DNAH9: variants seen among roughly 807,000 people sequenced by gnomAD.
DNAH9 encodes DNAH9 variant protein.
In DNAH9, 345 loss-of-function variants were observed where a neutral mutation model predicts 471.6. That is an observed-to-expected ratio of 0.73 (90% CI 0.67 to 0.80). The LOEUF is 0.80. Ranked by LOEUF, DNAH9 falls within the 30% of genes least tolerant of loss-of-function variation. DNAH9 has a pLI of 0.00. For synonymous variants in DNAH9, 2,093 were observed against 2,123.6 expected (o/e 0.99, Z 0.40); for missense variants, 5,407 against 5,609.2 (o/e 0.96, Z 1.15).
chr17:11,711,803 T>C (rs1426132215), intron 26 of DNAH9, among the ~76,000 whole-genome samples: 1 of 144,664 alleles, frequency 6.9e-6, no homozygotes, highest in Non-Finnish European at 1.5e-5. Flanking sequence ...TTTTGGTTAT[T>C]TCTGAATGTG....
intron 35 of DNAH9, among the ~76,000 whole-genome samples, chr17:11,759,949 G>T (rs1967594429): frequency 6.6e-6 from 1 of 152,090 alleles, no homozygotes; most frequent in South Asian, 2.1e-4. Flanking sequence ...GCCTCCCAAA[G>T]TGCTGGGATT....
chr17:11,876,022 C>G (rs747624643), intron 53 of DNAH9, among the ~76,000 whole-genome samples: 1 of 151,982 alleles, frequency 6.6e-6, no homozygotes, highest in Non-Finnish European at 1.5e-5. Flanking sequence ...GGTTAGTAAT[C>G]AACTGGTTAA....
chr17:11,938,458 A>G (rs1444680322), intron 66 of DNAH9, among the ~76,000 whole-genome samples: 3 of 35,126 alleles, frequency 8.5e-5, no homozygotes, highest in Admixed American at 3.0e-4. Context: ...ACTGTCTCCA[A>G]AAAAAAAAAA....
chr17:11,660,917 T>C (rs1259724536), intron 14 of DNAH9, among the ~76,000 whole-genome samples: 4 of 152,170 alleles, frequency 2.6e-5, no homozygotes, highest in Non-Finnish European at 4.4e-5. Context: ...TTGATAGCAT[T>C]GTTGTGATCT....
chr17:11,754,250 C>T (rs1967282845), intron 33 of DNAH9, among the ~76,000 whole-genome samples: 2 of 152,086 alleles, frequency 1.3e-5, no homozygotes. Context: ...AGGTTGGTTC[C>T]ATGTCTTTGC....
chr17:11,632,275 T>A (rs998439976), intron 7 of DNAH9, among the ~76,000 whole-genome samples: 1 of 152,200 alleles, frequency 6.6e-6, no homozygotes, highest in Non-Finnish European at 1.5e-5. Context: ...TTCAGGGTTA[T>A]GTGAGCTGGT....
At chr17:11,895,049 AG>A (rs1270061736) in intron 59 of DNAH9, among the ~76,000 whole-genome samples, 1 of 152,228 alleles carries the variant, frequency 6.6e-6, no homozygotes, top group African/African-American at 2.4e-5. Flanking sequence ...CATTTAACAT[AG>A]GAGGAAACAG....
intron 8 of DNAH9, among the ~76,000 whole-genome samples, chr17:11,633,046 C>T (rs986520407): frequency 1.3e-5 from 2 of 152,150 alleles, no homozygotes; most frequent in Non-Finnish European, 2.9e-5. Context: ...TTGATTCAAT[C>T]TGGAGCAAAC....
intron 10 of DNAH9, among the ~76,000 whole-genome samples, chr17:11,643,522 TG>T (rs2073318828): frequency 6.6e-6 from 1 of 152,234 alleles, no homozygotes; most frequent in African/African-American, 2.4e-5. Context: ...TACTTCACAA[TG>T]GGGTTATGTT....
At chr17:11,898,606 T>C (rs1026109130) in intron 59 of DNAH9, among the ~76,000 whole-genome samples, 1 of 152,222 alleles carries the variant, frequency 6.6e-6, no homozygotes, top group Non-Finnish European at 1.5e-5. Flanking sequence ...TTATGATGAC[T>C]AATCACCCAG....
In DNAH9 at chr17:11,961,248, G is replaced by A. The variant is rs572215512; in HGVS notation, c.12844-619G>A. On this transcript the variant is annotated intron_variant, in intron 67 of 68. Coordinates refer to ENST00000262442, the MANE Select transcript of DNAH9 (RefSeq NM_001372.4). ...AAGAATCACTTGAACCTGGGAGGCG[G>A]AGGTTGCAGTGAGCAGAGATTGCAC... 2.6e-5 allele frequency among the ~76,000 whole-genome samples: 4 copies of A among 152,250 alleles called. No homozygotes were observed. The South Asian group carries it at 8.3e-4, about 32-fold the overall frequency.
intron 50 of DNAH9, among the ~76,000 whole-genome samples, chr17:11,858,821 T>C (rs942666051): frequency 2.0e-4 from 31 of 152,150 alleles, no homozygotes; most frequent in African/African-American, 7.2e-4. Context: ...CAGTGCCTCA[T>C]GCCTGTAATC....
At position 11,598,504 on chromosome 17, in the gene DNAH9, G is replaced by C. The variant is rs943922044; in HGVS notation, c.6G>C (p.Arg2=). The change falls in exon 1 of 69, where the codon CGG becomes CGC. Residue 2 remains arginine, a synonymous_variant. Transcript: ENST00000262442. The part of the protein sequence containing the change: M[R]LAEERAALAA... ...GCAGCTGGAGGCCGCGCGCGATGCGGCTCGCGGAGGAGCGGGCCGCGCTCG... is the reference window on the plus strand; with the variant it reads ...GCAGCTGGAGGCCGCGCGCGATGCGCCTCGCGGAGGAGCGGGCCGCGCTCG... 7.3e-7 allele frequency: 1 copy of C among 1,376,096 alleles called. No homozygotes were observed. Among genetic ancestry groups the C allele is most frequent in the Non-Finnish European group, 9.3e-7 (1 of 1,075,590 alleles). 85.2% of individuals were successfully genotyped at this position (1,376,096 alleles called of 1,614,324 possible).
chr17:11,731,912 C>T (rs1026371820), intron 28 of DNAH9, among the ~76,000 whole-genome samples: 15 of 152,106 alleles, frequency 9.9e-5, no homozygotes, highest in African/African-American at 1.2e-4. Context: ...TGGGTATATA[C>T]CCAGTAATGG....
Position 11,756,660 on chromosome 17 carries a change from A to G in DNAH9, c.6831A>G (p.Ala2277=), listed in dbSNP as rs547959889. The part of the protein sequence containing the change: ...EISHLRTATP[A]TVSRAGILYI... ...GCCACCTGCGCACAGCCACTCCAGC[A>G]ACTGTCTCTAGAGCAGGTACGGCCC... The change falls in exon 34 of 69, where the codon GCA becomes GCG. Residue 2277 remains alanine, a synonymous_variant. Coordinates refer to ENST00000262442, the MANE Select transcript of DNAH9 (RefSeq NM_001372.4). 1.1e-5 allele frequency: 17 copies of G among 1,609,820 alleles called. No individual in the cohort carries two copies. The East Asian group carries it at 3.6e-4, about 34-fold the overall frequency.
chr17:11,885,465 T>C (rs993268299), intron 56 of DNAH9, among the ~76,000 whole-genome samples: 5 of 152,254 alleles, frequency 3.3e-5, no homozygotes, highest in Non-Finnish European at 7.3e-5. Flanking sequence ...TTTCACATAT[T>C]TTCCATCTCT....
At chr17:11,969,250 C>A in intron 68 of DNAH9, 50 bp from the exon 69 acceptor site, 1 of 1,542,724 alleles carries the variant, frequency 6.5e-7, no homozygotes, top group Non-Finnish European at 8.9e-7. Context: ...GGCTGGTTGG[C>A]TGGGCTCTGG....
chr17:11,872,567 C>G (rs1244469047), intron 52 of DNAH9, among the ~76,000 whole-genome samples: 1 of 152,188 alleles, frequency 6.6e-6, no homozygotes, highest in Admixed American at 6.5e-5. Context: ...ACAAAACGTT[C>G]AAGACCGGGA....
chr17:11,650,995 C>G (rs1346572218), intron 12 of DNAH9, 74 bp from the exon 13 acceptor site: 1 of 1,489,184 alleles, frequency 6.7e-7, no homozygotes, highest in Non-Finnish European at 9.1e-7. Flanking sequence ...CTGGGATTGT[C>G]CAGTCTTTGA....
Sources: allele counts gnomAD v4.1 joint callset (sites outside exome capture counted in the v4.1 genomes callset), GRCh38; gene constraint gnomAD v4.1.1; transcripts MANE v1.5; gene names NCBI Gene and HGNC (gene_info 2026-07-23, HGNC 2026-07-21).